Variants in RBIS observed in about 807,000 individuals in gnomAD.
RBIS encodes the protein ribosomal biogenesis factor, also known as ribosome biogenesis factor identified in screen.
A neutral mutation model predicts 9.8 loss-of-function variants in RBIS; 9 were observed. The ratio of observed to expected loss-of-function variants is 0.92; its 90% CI spans 0.56 to 1.61. RBIS has a LOEUF of 1.61. Ranked by LOEUF, RBIS falls within the 40% of genes most tolerant of loss-of-function variation. The pLI is 0.00. For missense variants in RBIS, 103 were observed against 116.0 expected (o/e 0.89, Z 0.51); for synonymous variants, 35 against 37.9 (o/e 0.92, Z 0.28).
intron 2 of RBIS, 92 bp from the exon 3 acceptor site, chr8:85,215,129 A>G (rs765418320): frequency 2.0e-5 from 10 of 500,234 alleles, no homozygotes; most frequent in Admixed American, 4.0e-5. Context: ...TAAAATCTAA[A>G]AACTCTTACC....
At chr8:85,216,076 A>G (rs1332134396) in intron 2 of RBIS, 1 of 152,216 alleles carries the variant, frequency 6.6e-6, no homozygotes, top group Non-Finnish European at 1.5e-5. Context: ...TGACCGTATG[A>G]GAGTGAGAGT....
At chr8:85,215,649 G>C (rs1813117215) in intron 2 of RBIS, 1 of 152,284 alleles carries the variant, frequency 6.6e-6, no homozygotes, top group South Asian at 2.1e-4. Context: ...CATGCCCAGA[G>C]AGAGCAGGGA....
chr8:85,217,038 C>A (rs1813178928), intron 2 of RBIS: 2 of 391,896 alleles, frequency 5.1e-6, no homozygotes, highest in South Asian at 1.3e-4. Flanking sequence ...ACTGACATCC[C>A]ATGTCTTGCC....
chr8:85,214,393 G>A lies in RBIS; in HGVS notation c.*167C>T. Reference sequence around the variant, plus strand: ...TAGCACTTTAAGTTTATCACATTTTGTTGACTTCTGACATTCCACTTTCCT... The same window carrying A: ...TAGCACTTTAAGTTTATCACATTTTATTGACTTCTGACATTCCACTTTCCT... On this transcript the variant is annotated 3_prime_UTR_variant, in exon 4 of 4. Coordinates refer to ENST00000619594, the MANE Select transcript of RBIS (RefSeq NM_001099673.3). 1 of 622,546 alleles carries A rather than the reference G, an allele frequency of 1.6e-6. No individual in the cohort carries two copies. Among genetic ancestry groups the A allele is most frequent in the South Asian group, 1.9e-5 (1 of 52,198 alleles). The allele number at this position is 622,546 out of a possible 1,614,324, so 38.6% of individuals were successfully genotyped here.
chr8:85,214,568 G>A lies in RBIS; in HGVS notation c.295C>T (p.Leu99=). ...GATGCATCACCAGTATATTACAACA[G>A]AGCCATTAATCTTGTAGCTTCATCA... ...NVDEATRLMA[L]L is the part of the protein sequence containing the mutation. The change falls in exon 4 of 4, where the codon CTG becomes TTG. Residue 99 remains leucine, a synonymous_variant. Transcript: ENST00000619594. The A allele has an allele frequency of 6.4e-7, 1 of 1,563,190 alleles. No individual in the cohort carries two copies. Among genetic ancestry groups the A allele is most frequent in the Non-Finnish European group, 8.8e-7 (1 of 1,134,698 alleles).
chr8:85,216,591 C>T (rs1813163479), intron 2 of RBIS, among the ~76,000 whole-genome samples: 1 of 152,204 alleles, frequency 6.6e-6, no homozygotes, highest in Non-Finnish European at 1.5e-5. Flanking sequence ...AGCTCTTTGT[C>T]ATTCTAGTCT....
intron 2 of RBIS, chr8:85,215,669 C>A (rs1813118951): frequency 6.6e-6 from 1 of 152,316 alleles, no homozygotes; most frequent in South Asian, 2.1e-4. Flanking sequence ...AAGCTCCATG[C>A]CCCTTCCCAT....
At position 85,220,327 on chromosome 8, in the gene RBIS, C is replaced by G. The variant is rs544187393; in HGVS notation, c.-25G>C. 1 of 152,406 alleles carries G rather than the reference C, an allele frequency of 6.6e-6. No individual in the cohort carries two copies. Among genetic ancestry groups the G allele is most frequent in the South Asian group, 2.1e-4 (1 of 4,832 alleles). The allele number at this position is 152,406 out of a possible 1,614,324, so 9.4% of individuals were successfully genotyped here. A position where few individuals can be genotyped will look rare whatever the true frequency, so the allele number is the denominator to read the frequency against. On this transcript the variant is annotated 5_prime_UTR_variant, in exon 1 of 4. Coordinates refer to ENST00000619594, the MANE Select transcript of RBIS (RefSeq NM_001099673.3). ...TCACCAGAAGTTTAACACTTGCGTG[C>G]AGCTTTTTAAGCTCCAGGTAACACC...
intron 2 of RBIS, chr8:85,217,022 G>A: frequency 5.7e-6 from 2 of 351,058 alleles, no homozygotes; most frequent in Non-Finnish European, 1.0e-5. Context: ...AAAAGAATGG[G>A]TGCTCACTGA....
At chr8:85,215,161 T>C in intron 2 of RBIS, 124 bp from the exon 3 acceptor site, 1 of 471,542 alleles carries the variant, frequency 2.1e-6, no homozygotes, top group Non-Finnish European at 3.7e-6. Flanking sequence ...GATAATTCAC[T>C]CAAAAATTCT....
intron 2 of RBIS, chr8:85,217,168 T>C: frequency 1.6e-6 from 1 of 629,272 alleles, no homozygotes; most frequent in South Asian, 1.9e-5. Flanking sequence ...CATTTGTAGT[T>C]AAAATGTTTA....
intron 3 of RBIS, 59 bp from the exon 4 acceptor site, chr8:85,214,690 A>C: frequency 9.6e-7 from 1 of 1,046,304 alleles, no homozygotes; most frequent in Non-Finnish European, 1.5e-6. Flanking sequence ...CAAATGACTT[A>C]TATAAGCTGT....
At chr8:85,217,739 C>A in intron 1 of RBIS, 1 of 517,544 alleles carries the variant, frequency 1.9e-6, no homozygotes, top group Non-Finnish European at 3.4e-6. Context: ...TAGGAGGCAT[C>A]CAATTAATAT....
intron 3 of RBIS, 54 bp from the exon 4 acceptor site, chr8:85,214,685 G>GACTT: frequency 9.2e-7 from 1 of 1,083,020 alleles, no homozygotes; most frequent in Non-Finnish European, 1.4e-6. Context: ...GCAGACAAAT[G>GACTT]ACTTATATAA....
In RBIS at chr8:85,218,162, ATTAAG is replaced by A. The variant is rs548310821; in HGVS notation, c.-3-665_-3-661del. Among the ~76,000 whole-genome samples, 70 of 152,360 alleles carry A rather than the reference ATTAAG, an allele frequency of 4.6e-4. 1 individual carries two copies. In the South Asian group the frequency reaches 6.2e-3, roughly 14 times the overall value. ...GTATATGAGGAATAATTTTTAAAAT[ATTAAG>A]TTAACACATATTGAGCTTTTATTAT... On this transcript the variant is annotated intron_variant, in intron 1 of 3. Coordinates refer to ENST00000619594, the MANE Select transcript of RBIS (RefSeq NM_001099673.3).
At chr8:85,215,074 A>T (rs1334960621) in intron 2 of RBIS, 37 bp from the exon 3 acceptor site, 3 of 823,776 alleles carry the variant, frequency 3.6e-6, no homozygotes, top group Non-Finnish European at 5.8e-6. Flanking sequence ...CTATGATCTC[A>T]TAACCATTAA....
In RBIS at chr8:85,214,329, C is replaced by T; in HGVS notation, c.*231G>A. 1 of 589,652 alleles carries T rather than the reference C, an allele frequency of 1.7e-6. No homozygotes were observed. Among genetic ancestry groups the T allele is most frequent in the Non-Finnish European group, 3.0e-6 (1 of 330,850 alleles). 36.5% of individuals were successfully genotyped at this position (589,652 alleles called of 1,614,324 possible). ...GAAGGATGTAAACGAGGATATATAA[C>T]TGTTTCAGTGAACAGATTTTGTGAA... On this transcript the variant is annotated 3_prime_UTR_variant, in exon 4 of 4. Transcript: ENST00000619594.
In RBIS at chr8:85,214,542, A is replaced by G; in HGVS notation, c.*18T>C. ...AATTTATTGGTCTTTGTGGAGAATT[A>G]GATGCATCACCAGTATATTACAACA... On this transcript the variant is annotated 3_prime_UTR_variant, in exon 4 of 4. Coordinates refer to ENST00000619594, the MANE Select transcript of RBIS (RefSeq NM_001099673.3). The G allele has an allele frequency of 6.8e-7, 1 of 1,461,194 alleles. No individual in the cohort carries two copies. Among genetic ancestry groups the G allele is most frequent in the Non-Finnish European group, 9.5e-7 (1 of 1,047,856 alleles). The allele number at this position is 1,461,194 out of a possible 1,614,324, so 90.5% of individuals were successfully genotyped here. A position where few individuals can be genotyped will look rare whatever the true frequency, so the allele number is the denominator to read the frequency against.
Position 85,216,539 on chromosome 8 carries a change from C to T in RBIS, c.114+847G>A, listed in dbSNP as rs148165825. On this transcript the variant is annotated intron_variant, in intron 2 of 3. Transcript: ENST00000619594. The stretch of plus-strand genomic sequence containing the variant: ...CTGCACTTGCTATTTTTCTCTGCCT[C>T]GAACCCACCACTCCCAACACTTCCT... 2.9e-3 allele frequency among the ~76,000 whole-genome samples: 444 copies of T among 152,242 alleles called. 1 individual carries two copies. The highest frequency in any genetic ancestry group is 0.01 in the African/African-American group (419 of 41,526).
Sources: gnomAD v4.1 joint callset for allele counts (sites outside exome capture counted in the v4.1 genomes callset) on GRCh38, gnomAD v4.1.1 for gene constraint, MANE v1.5 for transcripts, NCBI Gene and HGNC (gene_info 2026-07-23, HGNC 2026-07-21) for gene names.